Variants in DUSP18 observed in about 807,000 individuals in gnomAD.
DUSP18 encodes dual specificity protein phosphatase 18.
Under a neutral mutation model 6.3 loss-of-function variants are expected in DUSP18, and 4 were observed. The observed-to-expected ratio is 0.63, with a 90% CI of 0.31 to 1.45. The LOEUF is 1.45. Ranked by LOEUF, DUSP18 falls within the 40% of genes most tolerant of loss-of-function variation. DUSP18 has a pLI of 0.07. For missense variants in DUSP18, 235 were observed against 247.7 expected, an observed-to-expected ratio of 0.95 and a Z score of 0.34; for synonymous variants, 96 against 95.1, an observed-to-expected ratio of 1.01 and a Z score of -0.05.
downstream of DUSP18, among the ~76,000 whole-genome samples, chr22:30,657,082 G>A (rs923097637): frequency 5.3e-5 from 8 of 152,158 alleles, no homozygotes; most frequent in African/African-American, 1.7e-4. Context: ...TGGTTACAAC[G>A]ATGGGGATAT....
downstream of DUSP18, among the ~76,000 whole-genome samples, chr22:30,657,271 C>T (rs1409614543): frequency 1.4e-5 from 1 of 72,204 alleles, no homozygotes; most frequent in East Asian, 5.0e-4. Flanking sequence ...CCTGTCTCTA[C>T]TAAAAACACA....
intron 2 of DUSP18, among the ~76,000 whole-genome samples, chr22:30,655,567 T>C (rs564634925): frequency 6.6e-6 from 1 of 152,138 alleles, no homozygotes; most frequent in African/African-American, 2.4e-5. Context: ...ACGTCTAGCA[T>C]GTCTCCCAGA....
intron 1 of DUSP18, among the ~76,000 whole-genome samples, chr22:30,666,488 G>A (rs1450044488): frequency 2.0e-5 from 3 of 152,036 alleles, no homozygotes; most frequent in Non-Finnish European, 4.4e-5. Flanking sequence ...CAGGCGTGGT[G>A]GCATGGGCCT....
Position 30,664,092 on chromosome 22 carries a change from G to T in DUSP18, c.-77-12C>A. 2.3e-6 allele frequency: 3 copies of T among 1,321,614 alleles called. No homozygotes were observed. In the South Asian group the frequency reaches 4.3e-5, roughly 19 times the overall value. 81.9% of individuals were successfully genotyped at this position (1,321,614 alleles called of 1,614,324 possible). A position where few individuals can be genotyped will look rare whatever the true frequency, so the allele number is the denominator to read the frequency against. On this transcript the variant is annotated splice_polypyrimidine_tract_variant and intron_variant, in intron 1 of 1. Coordinates refer to ENST00000334679, the MANE Select transcript of DUSP18 (RefSeq NM_152511.5). The stretch of plus-strand genomic sequence containing the variant: ...GTGTCCATGGAAAACTGCAGAGAGG[G>T]AGAGGATGTTTAGAGGGCAGGTGCC...
chr22:30,654,319 T>C, intron 2 of DUSP18: 1 of 462,388 alleles, frequency 2.2e-6, no homozygotes, highest in Non-Finnish European at 4.3e-6. Flanking sequence ...GTAGTGGATC[T>C]TGGCCTTCTC....
chr22:30,654,280 G>A (rs990762000), intron 2 of DUSP18: 34 of 443,366 alleles, frequency 7.7e-5, no homozygotes, highest in Admixed American at 4.7e-4. Context: ...CACCGCGCCC[G>A]GCCATCCCAT....
chr22:30,661,444 C>CTTT (rs56242112), downstream of DUSP18: 42 of 136,464 alleles, frequency 3.1e-4, no homozygotes, highest in Non-Finnish European at 4.5e-4. Context: ...TTTTCTTTTT[C>CTTT]TTTTTTTTTT....
In DUSP18 at chr22:30,664,090, G is replaced by A. The variant is rs2088569981; in HGVS notation, c.-77-10C>T. ...CTGTGTCCATGGAAAACTGCAGAGA[G>A]GGAGAGGATGTTTAGAGGGCAGGTG... On this transcript the variant is annotated splice_polypyrimidine_tract_variant and intron_variant, in intron 1 of 1. Coordinates refer to ENST00000334679, the MANE Select transcript of DUSP18 (RefSeq NM_152511.5). 2 of 1,323,954 alleles carry A rather than the reference G, an allele frequency of 1.5e-6. No homozygotes were observed. Among genetic ancestry groups the A allele is most frequent in the African/African-American group, 1.5e-5 (1 of 68,188 alleles). The allele number at this position is 1,323,954 out of a possible 1,614,324, so 82.0% of individuals were successfully genotyped here. A position where few individuals can be genotyped will look rare whatever the true frequency, so the allele number is the denominator to read the frequency against.
chr22:30,660,479 A>C (rs537662998), downstream of DUSP18, among the ~76,000 whole-genome samples: 28 of 152,192 alleles, frequency 1.8e-4, no homozygotes, highest in African/African-American at 6.0e-4. Context: ...ACCTAGAGAA[A>C]ATTTTTTAAA....
chr22:30,655,677 C>G (rs930158579), intron 2 of DUSP18, among the ~76,000 whole-genome samples: 5 of 152,108 alleles, frequency 3.3e-5, no homozygotes, highest in Admixed American at 2.6e-4. Flanking sequence ...ATTTCAGTGT[C>G]ACAGCTGGGA....
In DUSP18 at chr22:30,662,029, C is replaced by A. The variant is rs1387905236; in HGVS notation, c.*1408G>T. The A allele has an allele frequency of 1.3e-5, 1 of 79,796 alleles. No individual in the cohort carries two copies. Among genetic ancestry groups the A allele is most frequent in the Admixed American group, 1.8e-4 (1 of 5,554 alleles). The allele number at this position is 79,796 out of a possible 1,614,324, so 4.9% of individuals were successfully genotyped here. A position where few individuals can be genotyped will look rare whatever the true frequency, so the allele number is the denominator to read the frequency against. On this transcript the variant is annotated 3_prime_UTR_variant, in exon 2 of 2. Transcript: ENST00000334679. ...AGGTAGGGTCTGAAAGGACTTAAAC[C>A]ATTTTTTTTTTTTTTTTTTTTTACA...
downstream of DUSP18, among the ~76,000 whole-genome samples, chr22:30,658,577 G>C (rs906492416): frequency 2.0e-5 from 3 of 151,832 alleles, no homozygotes; most frequent in Non-Finnish European, 4.4e-5. Context: ...TGGAGGGTGC[G>C]TAACAAGCAG....
chr22:30,667,402 G>T (rs1364579637), intron 1 of DUSP18, 60 bp downstream of exon 1: 1 of 152,192 alleles, frequency 6.6e-6, no homozygotes. Context: ...GTTTCCTAGG[G>T]GAGCTGGCAT....
chr22:30,659,860 G>A (rs2088423596), downstream of DUSP18, among the ~76,000 whole-genome samples: 1 of 152,140 alleles, frequency 6.6e-6, no homozygotes, highest in Non-Finnish European at 1.5e-5. Context: ...CTCTCTGGCT[G>A]GACTTAGATG....
chr22:30,664,465 A>T (rs2088581250), intron 1 of DUSP18, among the ~76,000 whole-genome samples: 2 of 152,154 alleles, frequency 1.3e-5, no homozygotes, highest in Non-Finnish European at 2.9e-5. Context: ...AAGCTCACAG[A>T]GCCCTTTTCT....
chr22:30,664,010 G>T lies in DUSP18; in HGVS notation c.-7C>A. The T allele has an allele frequency of 6.2e-7, 1 of 1,609,106 alleles. No homozygotes were observed. The highest frequency in any genetic ancestry group is 1.1e-5 in the South Asian group (1 of 90,740). On this transcript the variant is annotated 5_prime_UTR_variant, in exon 2 of 2. Coordinates refer to ENST00000334679, the MANE Select transcript of DUSP18 (RefSeq NM_152511.5). ...CACACGAGGGTGCTGTCATCAAGGC[G>T]GTGGGTCAGTGGTCAGCAGTCAGCG...
chr22:30,667,015 C>T (rs1049729537), intron 1 of DUSP18: 4 of 151,954 alleles, frequency 2.6e-5, no homozygotes, highest in African/African-American at 7.3e-5. Flanking sequence ...GAAGAAATCA[C>T]AAAAGATCTA....
intron 2 of DUSP18, chr22:30,654,176 G>A (rs2088286598): frequency 2.0e-5 from 5 of 246,638 alleles, no homozygotes; most frequent in South Asian, 8.6e-5. Flanking sequence ...AGTAGAGACT[G>A]GGTTTCACCA....
At chr22:30,665,001 AGCCGCAGATCTGCTTCCCGC>A (rs2088596280) in intron 1 of DUSP18, 1 of 152,854 alleles carries the variant, frequency 6.5e-6, no homozygotes, top group African/African-American at 2.4e-5. Context: ...GTAGAGGTTC[AGCCGCAGATCTGCTTCCCGC>A]GCCGCAGACC....
Sources: gnomAD v4.1 joint callset for allele counts (sites outside exome capture counted in the v4.1 genomes callset) on GRCh38, gnomAD v4.1.1 for gene constraint, MANE v1.5 for transcripts, NCBI Gene and HGNC (gene_info 2026-07-23, HGNC 2026-07-21) for gene names.